Variants in C2CD2 observed in about 807,000 individuals in gnomAD.
C2CD2 encodes the protein C2 calcium dependent domain containing 2, also known as C2 domain-containing protein 2.
Under a neutral mutation model 74.3 loss-of-function variants are expected in C2CD2, and 43 were observed. The observed-to-expected ratio is 0.58, with a 90% CI of 0.45 to 0.75. C2CD2 has a LOEUF of 0.75. Among genes scored for constraint, C2CD2 ranks in the 30% least tolerant of loss-of-function variants. C2CD2 has a pLI of 0.00. For missense variants in C2CD2, 801 were observed against 916.3 expected, an observed-to-expected ratio of 0.87 and a Z score of 1.63; for synonymous variants, 422 against 390.7, an observed-to-expected ratio of 1.08 and a Z score of -0.94.
In C2CD2 at chr21:41,948,876, TTTTTTTTTTTTTTTTTC is replaced by T. The variant is rs1168947072; in HGVS notation, c.279+4477_279+4493del. On this transcript the variant is annotated intron_variant, in intron 1 of 13. Transcript: ENST00000380486. ...TTCCAAGTCCACACAGCATCTTTTT[TTTTTTTTTTTTTTTTTC>T]TTTTTTTTTACAAAGACCATAATGA... Among the ~76,000 whole-genome samples the T allele has an allele frequency of 2.6e-3, 328 of 127,540 alleles. 2 individuals are homozygous for T. Among genetic ancestry groups the T allele is most frequent in the African/African-American group, 8.4e-3 (302 of 36,086 alleles). The allele number at this position is 127,540 out of a possible 152,430, so 83.7% of individuals were successfully genotyped here. A position where few individuals can be genotyped will look rare whatever the true frequency, so the allele number is the denominator to read the frequency against.
In C2CD2 at chr21:41,907,883, C is replaced by T. The variant is rs932424756; in HGVS notation, c.1019-99G>A. On this transcript the variant is annotated intron_variant, in intron 8 of 13. Transcript: ENST00000380486. ...CGCCCAGCAGCCGGAACACGCTCCT[C>T]CCGTGCATCCAGCCCACGGGGAAGT... 47 of 1,249,976 alleles carry T rather than the reference C, an allele frequency of 3.8e-5. 1 individual carries two copies. In the Admixed American group the frequency reaches 8.6e-4, roughly 23 times the overall value. The allele number at this position is 1,249,976 out of a possible 1,614,324, so 77.4% of individuals were successfully genotyped here. A position where few individuals can be genotyped will look rare whatever the true frequency, so the allele number is the denominator to read the frequency against.
chr21:41,907,549 G>A, intron 9 of C2CD2, 111 bp downstream of exon 9: 1 of 1,167,196 alleles, frequency 8.6e-7, no homozygotes, highest in Non-Finnish European at 1.2e-6. Flanking sequence ...TCTTGGAGGA[G>A]GTCTTATTTC....
Position 41,899,546 on chromosome 21 carries a change from G to A in C2CD2, c.1561-184C>T, listed in dbSNP as rs2146145942. 6.6e-6 allele frequency among the ~76,000 whole-genome samples: 1 copy of A among 152,266 alleles called. No homozygotes were observed. Among genetic ancestry groups the A allele is most frequent in the Middle Eastern group, 3.4e-3 (1 of 294 alleles). ...GTTGCTCATGCTTGGGTTAAAAAAG[G>A]TCTCCCTTACAGCCAGGGCTCAGGA... On this transcript the variant is annotated intron_variant, in intron 12 of 13. Transcript: ENST00000380486. The surrounding 1 kb of genome is among the most constrained non-coding windows in gnomAD (Gnocchi z 4.4).
rs553443785 is a variant in C2CD2, at chr21:41,906,906, C to T, written c.1318+86G>A. 42 of 1,039,668 alleles carry T rather than the reference C, an allele frequency of 4.0e-5. No homozygotes were observed. The African/African-American group carries it at 5.1e-4, about 13-fold the overall frequency. 64.4% of individuals were successfully genotyped at this position (1,039,668 alleles called of 1,614,324 possible). A position where few individuals can be genotyped will look rare whatever the true frequency, so the allele number is the denominator to read the frequency against. On this transcript the variant is annotated intron_variant, in intron 10 of 13. Transcript: ENST00000380486. Reference sequence around the variant, plus strand: ...ATTTCCTAACACTCGGCGCTGCAGGCTCCAGAACTCTGCAGTTGTGGGGGC... The same window carrying T: ...ATTTCCTAACACTCGGCGCTGCAGGTTCCAGAACTCTGCAGTTGTGGGGGC...
At position 41,889,115 on chromosome 21, in the gene C2CD2, C is replaced by A; in HGVS notation, c.*9G>T. Reference sequence around the variant, plus strand: ...ACGTCTTCTGGCTTGGAGGTGATGACCTCAGGCCCTACGTGCAGGGCTCCA... The same window carrying A: ...ACGTCTTCTGGCTTGGAGGTGATGAACTCAGGCCCTACGTGCAGGGCTCCA... On this transcript the variant is annotated 3_prime_UTR_variant, in exon 14 of 14. Transcript: ENST00000380486. The A allele has an allele frequency of 6.2e-7, 1 of 1,608,700 alleles. No homozygotes were observed. Among genetic ancestry groups the A allele is most frequent in the Non-Finnish European group, 8.5e-7 (1 of 1,176,888 alleles).
intron 13 of C2CD2, among the ~76,000 whole-genome samples, chr21:41,896,851 C>T (rs1207888830): frequency 6.6e-6 from 1 of 152,140 alleles, no homozygotes. Context: ...CAGCATCTCA[C>T]AGAGATGCTA....
Position 41,889,061 on chromosome 21 carries a change from G to C in C2CD2, c.*63C>G. The C allele has an allele frequency of 8.1e-7, 1 of 1,241,052 alleles. No homozygotes were observed. The highest frequency in any genetic ancestry group is 1.2e-6 in the Non-Finnish European group (1 of 847,214). 76.9% of individuals were successfully genotyped at this position (1,241,052 alleles called of 1,614,324 possible). On this transcript the variant is annotated 3_prime_UTR_variant, in exon 14 of 14. Transcript: ENST00000380486. The stretch of plus-strand genomic sequence containing the variant: ...GACATCCGGCGGACACACTGGCTGC[G>C]TCCTGGTGAGGGTAGTTAACATGGG...
In C2CD2 at chr21:41,886,683, A is replaced by C. The variant is rs1478514330; in HGVS notation, c.*2441T>G. 2.0e-5 allele frequency: 3 copies of C among 151,724 alleles called. No individual in the cohort carries two copies. Among genetic ancestry groups the C allele is most frequent in the African/African-American group, 7.3e-5 (3 of 41,252 alleles). 9.4% of individuals were successfully genotyped at this position (151,724 alleles called of 1,614,324 possible). On this transcript the variant is annotated 3_prime_UTR_variant, in exon 14 of 14. Transcript: ENST00000380486. ...CCTTTTTTTTTTTTTGAGAGCAAGA[A>C]GGCTTAATATAAAATCCTGGGGCCG...
chr21:41,941,707 T>A (rs1368149412), intron 2 of C2CD2, among the ~76,000 whole-genome samples: 3 of 152,162 alleles, frequency 2.0e-5, no homozygotes, highest in African/African-American at 7.2e-5. Flanking sequence ...TTCTAGAACA[T>A]TTCATCACCC....
intron 9 of C2CD2, 117 bp downstream of exon 9, chr21:41,907,543 G>T: frequency 9.1e-7 from 1 of 1,102,826 alleles, no homozygotes; most frequent in Non-Finnish European, 1.3e-6. Context: ...ATCTCCTCTT[G>T]GAGGAGGTCT....
rs2065178668 is a variant in C2CD2 at position 41,923,615 on chromosome 21, A to C, written c.379-1530T>G. On this transcript the variant is annotated intron_variant, in intron 2 of 13. Transcript: ENST00000380486. This position sits in a 1 kb window ranked among gnomAD's most constrained non-coding sequence, Gnocchi z 5.8. ...CAGCCGTACCAAAACCAGAATTATA[A>C]AATGAGCTCGTTGAAGAAACTGTCA... Among the ~76,000 whole-genome samples the C allele has an allele frequency of 6.6e-6, 1 of 152,230 alleles. No individual in the cohort carries two copies. The highest frequency in any genetic ancestry group is 6.5e-5 in the Admixed American group (1 of 15,290).
At position 41,901,670 on chromosome 21, in the gene C2CD2, G is replaced by A; in HGVS notation, c.1512C>T (p.Leu504=). The part of the protein sequence containing the change: ...RQLSESSKLK[L]KSPRKKSTII... The stretch of plus-strand genomic sequence containing the variant: ...TAGTGCTTTTCTTCCGTGGCGACTT[G>A]AGTTTCAGCTTTGAAGATTCACTGA... The change falls in exon 12 of 14, where the codon CTC becomes CTT. Residue 504 remains leucine (L), a synonymous_variant. Transcript: ENST00000380486. 3 of 1,614,102 alleles carry A rather than the reference G, an allele frequency of 1.9e-6. No individual in the cohort carries two copies. Among genetic ancestry groups the A allele is most frequent in the Admixed American group, 1.7e-5 (1 of 60,026 alleles).
chr21:41,942,876 A>C, intron 1 of C2CD2: 1 of 657,452 alleles, frequency 1.5e-6, no homozygotes, highest in Non-Finnish European at 1.9e-6. Flanking sequence ...AGACTCCTCA[A>C]CCCCTACTTC....
At position 41,900,261 on chromosome 21, in the gene C2CD2, G is replaced by C. The variant is rs966784909; in HGVS notation, c.1561-899C>G. On this transcript the variant is annotated intron_variant, in intron 12 of 13. Coordinates refer to ENST00000380486, the MANE Select transcript of C2CD2 (RefSeq NM_015500.2). ...TGCACTCCAGCCTGGGTGACAGAGC[G>C]AGACTCCGTCTCAAAAAAATAAAAT... Among the ~76,000 whole-genome samples, 5 of 152,096 alleles carry C rather than the reference G, an allele frequency of 3.3e-5. 1 individual carries two copies. The highest frequency in any genetic ancestry group is 9.7e-5 in the African/African-American group (4 of 41,410).
intron 2 of C2CD2, among the ~76,000 whole-genome samples, chr21:41,938,217 A>C (rs977623424): frequency 1.2e-4 from 18 of 152,138 alleles, no homozygotes; most frequent in African/African-American, 4.1e-4. Flanking sequence ...AATATGTACA[A>C]TTTTCATCAA....
intron 6 of C2CD2, 75 bp downstream of exon 6, chr21:41,914,523 G>T (rs1319012602): frequency 7.3e-7 from 1 of 1,366,740 alleles, no homozygotes. Context: ...AGAATCCAAG[G>T]CCCCCCGGAG....
At chr21:41,894,911 T>A (rs1458307813) in intron 13 of C2CD2, 4 of 456,730 alleles carry the variant, frequency 8.8e-6, no homozygotes, top group South Asian at 3.1e-5. Flanking sequence ...TGCTGGGCAG[T>A]AACCCCATAT....
intron 2 of C2CD2, among the ~76,000 whole-genome samples, chr21:41,935,633 G>A (rs983382005): frequency 3.9e-5 from 6 of 152,044 alleles, no homozygotes; most frequent in Non-Finnish European, 7.4e-5. Context: ...TTGGGAGGCC[G>A]AGGTGGGTGG....
At chr21:41,927,611 C>T (rs1460734756) in intron 2 of C2CD2, among the ~76,000 whole-genome samples, 1 of 152,006 alleles carries the variant, frequency 6.6e-6, no homozygotes, top group African/African-American at 2.4e-5. Context: ...GTTGGGACTA[C>T]AGGCACGTGC....
Sources: gnomAD v4.1 joint callset for allele counts (sites outside exome capture counted in the v4.1 genomes callset) on GRCh38, gnomAD v4.1.1 for gene constraint, Gnocchi (gnomAD v3.1) non-coding constraint, MANE v1.5 for transcripts, NCBI Gene and HGNC (gene_info 2026-07-23, HGNC 2026-07-21) for gene names.